The following TXNDC5 variants were observed in gnomAD, a reference collection of about 807,000 sequenced individuals.
TXNDC5 encodes the protein thioredoxin domain containing 5, also known as thioredoxin domain-containing protein 5.
TXNDC5 carries 44 observed loss-of-function variants against 52.6 expected under a neutral mutation model. The observed-to-expected ratio is 0.84, with a 90% CI of 0.66 to 1.08. The LOEUF is 1.08. Ranked by LOEUF, TXNDC5 falls within the 50% of genes least tolerant of loss-of-function variation. TXNDC5 has a pLI of 0.00. For missense variants in TXNDC5, 600 were observed against 565.5 expected, an observed-to-expected ratio of 1.06 and a Z score of -0.62; for synonymous variants, 241 against 234.4, an observed-to-expected ratio of 1.03 and a Z score of -0.26.
At chr6:7,890,168 T>C (rs1022446406) in intron 5 of TXNDC5, among the ~76,000 whole-genome samples, 11 of 152,362 alleles carry the variant, frequency 7.2e-5, no homozygotes, top group Middle Eastern at 3.4e-3. Flanking sequence ...TTTTCTTTCA[T>C]TTAAATCTCA....
chr6:7,891,725 T>C lies in TXNDC5; in HGVS notation c.628A>G (p.Ile210Val). The C allele has an allele frequency of 6.2e-7, 1 of 1,613,546 alleles. No individual in the cohort carries two copies. Among genetic ancestry groups the C allele is most frequent in the Non-Finnish European group, 8.5e-7 (1 of 1,179,638 alleles). ...CCACACCACGGAGCGAAGAACTTGA[T>C]AAAGTGGTCGCCTGGAGTGGAGAGC... The part of the protein sequence containing the change: ...ELHVAQGDHF[I>V]KFFAPWCGHC... The change falls in exon 5 of 10, where the codon ATC becomes GTC. Residue 210 changes from isoleucine (I) to valine (V), a missense_variant. Physicochemically the swap from Ile to Val is conservative, Grantham distance 29. Transcript: ENST00000379757.
chr6:7,891,100 A>C (rs1353100915), intron 5 of TXNDC5, among the ~76,000 whole-genome samples: 1 of 152,230 alleles, frequency 6.6e-6, no homozygotes, highest in Non-Finnish European at 1.5e-5. Flanking sequence ...CTGGAGCTAC[A>C]CTGGATATTT....
At chr6:7,899,966 G>A (rs754777366) in intron 2 of TXNDC5, 5 of 239,554 alleles carry the variant, frequency 2.1e-5, no homozygotes, top group Non-Finnish European at 4.1e-5. Flanking sequence ...ACAGTACTCA[G>A]TGCTCCTCTG....
chr6:7,909,197 T>C (rs1451484264), intron 1 of TXNDC5, among the ~76,000 whole-genome samples: 5 of 152,166 alleles, frequency 3.3e-5, no homozygotes, highest in Admixed American at 6.5e-5. Context: ...GTTTGAAAGG[T>C]ACAATTTCTG....
intron 5 of TXNDC5, among the ~76,000 whole-genome samples, chr6:7,889,999 C>A (rs765366781): frequency 6.6e-6 from 1 of 152,118 alleles, no homozygotes; most frequent in African/African-American, 2.4e-5. Context: ...TACTCTCATG[C>A]TGAAGCTTAG....
intron 1 of TXNDC5, among the ~76,000 whole-genome samples, chr6:7,906,939 T>C (rs1334868686): frequency 6.6e-6 from 1 of 152,156 alleles, no homozygotes; most frequent in Non-Finnish European, 1.5e-5. Flanking sequence ...AACTAGTCCA[T>C]TTGGTGTTTA....
rs746921608 is a variant in TXNDC5 at position 7,899,663 on chromosome 6, TG to T, written c.431del (p.Pro144GlnfsTer6). The T allele has an allele frequency of 6.2e-7, 1 of 1,614,100 alleles. No homozygotes were observed. Among genetic ancestry groups the T allele is most frequent in the South Asian group, 1.1e-5 (1 of 91,062 alleles). On this transcript the variant is annotated frameshift_variant, in exon 3 of 10. Transcript: ENST00000379757. LOFTEE classifies it high-confidence loss of function. ...CCTGGTACTTCACAGCTTCTTGGCC[TG>T]GCTTGAAAAGCTTTAAGCTGAAAGA... is the stretch of plus-strand genomic sequence containing the variant. The part of the protein sequence containing the change: ...RGYPTLKLFK[P>X]GQEAVKYQGP...
Position 7,909,986 on chromosome 6 carries a change from C to T in TXNDC5, c.263+528G>A, listed in dbSNP as rs1217996567. ...GAAGTTTGGGGCGCTGGGCAGGGAC[C>T]GCGGGGTGACATTTGGACTCCCGGC... On this transcript the variant is annotated intron_variant, in intron 1 of 9. Transcript: ENST00000379757. The T allele has an allele frequency of 3.0e-6, 3 of 986,054 alleles. No homozygotes were observed. In the African/African-American group the frequency reaches 5.2e-5, roughly 17 times the overall value. 61.1% of individuals were successfully genotyped at this position (986,054 alleles called of 1,614,324 possible). A position where few individuals can be genotyped will look rare whatever the true frequency, so the allele number is the denominator to read the frequency against.
In TXNDC5 at chr6:7,883,252, G is replaced by GTTTTA; in HGVS notation, c.1190_1191insTAAAA (p.Thr398LysfsTer30). The GTTTTA allele has an allele frequency of 1.2e-6, 2 of 1,614,124 alleles. No homozygotes were observed. Among genetic ancestry groups the GTTTTA allele is most frequent in the Non-Finnish European group, 1.7e-6 (2 of 1,180,012 alleles). On this transcript the variant is annotated frameshift_variant, in exon 10 of 10. Transcript: ENST00000379757. LOFTEE classifies it high-confidence loss of function. ...TCCCTCCTCGGAAAAGCAATAACGT[G>GTTTTA]GGGTAGCCTCGTACCTTAAAACAAA... is the stretch of plus-strand genomic sequence containing the variant.
Position 7,889,518 on chromosome 6 carries a change from G to A in TXNDC5, c.796C>T (p.Leu266Phe), listed in dbSNP as rs757178520. The change falls in exon 6 of 10, where the codon CTC becomes TTC. Residue 266 changes from leucine (L) to phenylalanine (F), a missense_variant. Physicochemically the swap from Leu to Phe is conservative, Grantham distance 22. Coordinates refer to ENST00000379757, the MANE Select transcript of TXNDC5 (RefSeq NM_030810.5). ...ACCTTTTTCCCATCTCGGAACCAGA[G>A]AAGAGTGGGATAGCCACGAACCTGG... ...GNQVRGYPTL[L>F]WFRDGKKVDQ... 1 of 1,613,666 alleles carries A rather than the reference G, an allele frequency of 6.2e-7. No individual in the cohort carries two copies. Among genetic ancestry groups the A allele is most frequent in the Non-Finnish European group, 8.5e-7 (1 of 1,179,596 alleles).
intron 7 of TXNDC5, among the ~76,000 whole-genome samples, chr6:7,888,386 CAG>C (rs1310977316): frequency 6.6e-6 from 1 of 152,184 alleles, no homozygotes; most frequent in African/African-American, 2.4e-5. Context: ...ACATGCCCAG[CAG>C]AGTCATTCTT....
chr6:7,882,975 CTG>C lies in TXNDC5; in HGVS notation c.*167_*168del. The C allele has an allele frequency of 1.2e-6, 1 of 802,782 alleles. No individual in the cohort carries two copies. Among genetic ancestry groups the C allele is most frequent in the Non-Finnish European group, 1.9e-6 (1 of 526,656 alleles). The allele number at this position is 802,782 out of a possible 1,614,324, so 49.7% of individuals were successfully genotyped here. A position where few individuals can be genotyped will look rare whatever the true frequency, so the allele number is the denominator to read the frequency against. ...AGAGAAACTTAACTTAATAAAGAATCTGTAGAGTGTGTTGGCTTGGAAAACAC... is the reference window on the plus strand; with the variant it reads ...AGAGAAACTTAACTTAATAAAGAATCTAGAGTGTGTTGGCTTGGAAAACAC... On this transcript the variant is annotated 3_prime_UTR_variant, in exon 10 of 10. Transcript: ENST00000379757.
At chr6:7,885,869 C>T in intron 8 of TXNDC5, 92 bp downstream of exon 8, 1 of 1,143,802 alleles carries the variant, frequency 8.7e-7, no homozygotes, top group Non-Finnish European at 1.3e-6. Flanking sequence ...ATGTGCCCAA[C>T]ATTGAGTCTG....
intron 8 of TXNDC5, among the ~76,000 whole-genome samples, chr6:7,884,780 C>G (rs1759902378): frequency 1.3e-5 from 2 of 152,190 alleles, no homozygotes; most frequent in African/African-American, 4.8e-5. Flanking sequence ...GTGAACTGTG[C>G]TAACTGGTTT....
chr6:7,897,322 C>A (rs1760407058), intron 3 of TXNDC5, among the ~76,000 whole-genome samples: 1 of 152,036 alleles, frequency 6.6e-6, no homozygotes, highest in Non-Finnish European at 1.5e-5. Context: ...AATATTGCCA[C>A]AACACTTAAA....
In TXNDC5 at chr6:7,910,588, C is replaced by T. The variant is rs746102262; in HGVS notation, c.189G>A (p.Lys63=). 5.0e-5 allele frequency: 70 copies of T among 1,406,788 alleles called. No individual in the cohort carries two copies. The highest frequency in any genetic ancestry group is 6.2e-5 in the Non-Finnish European group (66 of 1,063,938). The allele number at this position is 1,406,788 out of a possible 1,614,324, so 87.1% of individuals were successfully genotyped here. A position where few individuals can be genotyped will look rare whatever the true frequency, so the allele number is the denominator to read the frequency against. Residue 63 remains lysine, a synonymous_variant, in exon 1 of 10, where the codon AAG becomes AAA. Transcript: ENST00000379757. ...TGAACATGTCGGCCGTGTACAGGTG[C>T]TTGCTGTGCGGGTCCTGTCCGTCCT... ...DGEDGQDPHS[K]HLYTADMFTH...
At chr6:7,884,535 C>T in intron 8 of TXNDC5, 47 bp from the exon 9 acceptor site, 2 of 1,611,690 alleles carry the variant, frequency 1.2e-6, no homozygotes, top group Non-Finnish European at 1.7e-6. Context: ...GGGTCGAGAT[C>T]ATTCACCTAC....
intron 1 of TXNDC5, among the ~76,000 whole-genome samples, chr6:7,909,152 C>G (rs767534860): frequency 3.9e-5 from 6 of 152,216 alleles, no homozygotes; most frequent in Non-Finnish European, 8.8e-5. Context: ...CAGTAATAGC[C>G]TGAATACAAG....
intron 1 of TXNDC5, among the ~76,000 whole-genome samples, chr6:7,906,511 G>A (rs1016328685): frequency 1.4e-5 from 2 of 141,204 alleles, no homozygotes; most frequent in African/African-American, 5.5e-5. Context: ...ACTCCAGCCT[G>A]GGCGATAGAG....
Sources: gnomAD v4.1 joint callset for allele counts (sites outside exome capture counted in the v4.1 genomes callset) on GRCh38, gnomAD v4.1.1 for gene constraint, MANE v1.5 for transcripts, NCBI Gene and HGNC (gene_info 2026-07-23, HGNC 2026-07-21) for gene names.